The following OSBPL11 variants were observed in gnomAD, a reference collection of about 807,000 sequenced individuals.
The protein encoded by OSBPL11 is oxysterol-binding protein-related protein 11.
OSBPL11 carries 33 observed loss-of-function variants against 84.4 expected under a neutral mutation model. That is an observed-to-expected ratio of 0.39 (90% CI 0.30 to 0.52). The LOEUF is 0.52. Ranked by LOEUF, OSBPL11 falls within the 20% of genes least tolerant of loss-of-function variation. The pLI, the probability that OSBPL11 is intolerant of heterozygous loss-of-function variation, is 0.72. For missense variants in OSBPL11, 736 were observed against 901.1 expected, an observed-to-expected ratio of 0.82 and a Z score of 2.35; for synonymous variants, 276 against 310.2, an observed-to-expected ratio of 0.89 and a Z score of 1.16.
intron 1 of OSBPL11, among the ~76,000 whole-genome samples, chr3:125,592,211 T>G (rs186942011): frequency 6.6e-6 from 1 of 152,040 alleles, no homozygotes; most frequent in Non-Finnish European, 1.5e-5. Context: ...GCTAATTTTT[T>G]AATTTTTTGT....
intron 8 of OSBPL11, among the ~76,000 whole-genome samples, chr3:125,557,937 C>A (rs1021779397): frequency 6.6e-6 from 1 of 151,410 alleles, no homozygotes; most frequent in Non-Finnish European, 1.5e-5. Flanking sequence ...GGACTGCAGT[C>A]GTGCACCACC....
chr3:125,582,886 T>G, intron 2 of OSBPL11, 24 bp downstream of exon 2: 1 of 1,535,026 alleles, frequency 6.5e-7, no homozygotes, highest in Non-Finnish European at 8.9e-7. Context: ...GAGAGACTGA[T>G]GTGACACAAA....
intron 5 of OSBPL11, among the ~76,000 whole-genome samples, chr3:125,572,779 A>G (rs1234670095): frequency 6.7e-6 from 1 of 149,636 alleles, no homozygotes; most frequent in Non-Finnish European, 1.5e-5. Flanking sequence ...GTATGTCTTT[A>G]TCAGCAGTAT....
chr3:125,566,989 A>G (rs999936973), intron 6 of OSBPL11, among the ~76,000 whole-genome samples: 1 of 152,152 alleles, frequency 6.6e-6, no homozygotes, highest in Non-Finnish European at 1.5e-5. Context: ...ATAGACTTTT[A>G]TATACTTGAA....
intron 9 of OSBPL11, among the ~76,000 whole-genome samples, chr3:125,549,973 T>A (rs1411041388): frequency 6.6e-6 from 1 of 152,198 alleles, no homozygotes; most frequent in African/African-American, 2.4e-5. Flanking sequence ...AGACTTCAGT[T>A]TTTTTTCACT....
At chr3:125,536,345 C>G (rs1935639847) in intron 11 of OSBPL11, among the ~76,000 whole-genome samples, 1 of 152,204 alleles carries the variant, frequency 6.6e-6, no homozygotes, top group Non-Finnish European at 1.5e-5. Flanking sequence ...TAATGTGCAT[C>G]CTGAATGGAT....
chr3:125,578,835 T>C (rs1278803366), intron 4 of OSBPL11, 125 bp downstream of exon 4: 15 of 487,528 alleles, frequency 3.1e-5, no homozygotes, highest in Non-Finnish European at 5.0e-5. Flanking sequence ...CACAGGATTA[T>C]ACGTATATAC....
chr3:125,566,704 C>T (rs958973591), intron 6 of OSBPL11, among the ~76,000 whole-genome samples: 2 of 151,848 alleles, frequency 1.3e-5, no homozygotes, highest in African/African-American at 4.8e-5. Context: ...TTTGTAGTCC[C>T]GTGCAATAAC....
chr3:125,560,573 T>C (rs542591532), intron 7 of OSBPL11, 54 bp from the exon 8 acceptor site: 303 of 1,395,992 alleles, frequency 2.2e-4, no homozygotes, highest in Non-Finnish European at 2.8e-4. Flanking sequence ...TTCATATCCA[T>C]TGAGAACAAA....
chr3:125,572,936 CAT>C (rs200966386), intron 5 of OSBPL11, among the ~76,000 whole-genome samples: 17,850 of 144,742 alleles, frequency 0.12, 1,204 homozygotes, highest in African/African-American at 0.17. Context: ...CACACACACA[CAT>C]ACTTTAAAGC....
intron 1 of OSBPL11, among the ~76,000 whole-genome samples, chr3:125,586,374 C>T (rs1936510723): frequency 6.6e-6 from 1 of 152,158 alleles, no homozygotes; most frequent in African/African-American, 2.4e-5. Context: ...GTAGTGGAAG[C>T]TGATAGTCTA....
At chr3:125,585,328 G>C (rs372946449) in intron 1 of OSBPL11, among the ~76,000 whole-genome samples, 1 of 151,816 alleles carries the variant, frequency 6.6e-6, no homozygotes. Flanking sequence ...ATGGAGTTTC[G>C]TAAAGATGGG....
Position 125,582,927 on chromosome 3 carries a change from G to C in OSBPL11, c.216C>G (p.Val72=). 1 of 1,601,510 alleles carries C rather than the reference G, an allele frequency of 6.2e-7. No homozygotes were observed. Among genetic ancestry groups the C allele is most frequent in the Non-Finnish European group, 8.5e-7 (1 of 1,176,198 alleles). ...ACACTTACCTGTACTGCCACCCAGT[G>C]ACAAGGTTGGTATACTTCATTAAAT... ...YGYLMKYTNL[V]TGWQYRFFVL... Residue 72 remains valine (V), a synonymous_variant, in exon 2 of 13, where the codon GTC becomes GTG. Transcript: ENST00000296220.
In OSBPL11 at chr3:125,589,329, T is replaced by C. The variant is rs368364067; in HGVS notation, c.164+5308A>G. Among the ~76,000 whole-genome samples, 210 of 104,988 alleles carry C rather than the reference T, an allele frequency of 2.0e-3. 2 individuals are homozygous for C. Among genetic ancestry groups the C allele is most frequent in the African/African-American group, 7.7e-3 (186 of 24,072 alleles). The allele number at this position is 104,988 out of a possible 152,430, so 68.9% of individuals were successfully genotyped here. A position where few individuals can be genotyped will look rare whatever the true frequency, so the allele number is the denominator to read the frequency against. On this transcript the variant is annotated intron_variant, in intron 1 of 12. Coordinates refer to ENST00000296220, the MANE Select transcript of OSBPL11 (RefSeq NM_022776.5). ...TGTGCTCTAGCCTGGGCAACAAGAG[T>C]GAAACTCCATCTCAAAAAAAAAAAA...
intron 8 of OSBPL11, among the ~76,000 whole-genome samples, chr3:125,559,861 T>C (rs543179139): frequency 6.6e-6 from 1 of 151,768 alleles, no homozygotes; most frequent in African/African-American, 2.4e-5. Flanking sequence ...AGCTTGATTA[T>C]AGGCATGAGC....
rs1359301303 is a variant in OSBPL11 at position 125,547,474 on chromosome 3, A to G, written c.1773T>C (p.Cys591=). The change falls in exon 10 of 13, where the codon TGT becomes TGC. Residue 591 remains cysteine (C), a synonymous_variant. Transcript: ENST00000296220. The part of the protein sequence containing the change: ...VELGGKVSVN[C]AKTGYSASIT... The stretch of plus-strand genomic sequence containing the variant: ...TGCTGGCTGAATATCCAGTTTTTGC[A>G]CAGTTGACACTGACTTTGCCACCCA... 2 of 1,614,092 alleles carry G rather than the reference A, an allele frequency of 1.2e-6. No individual in the cohort carries two copies. The highest frequency in any genetic ancestry group is 1.7e-5 in the Admixed American group (1 of 60,008).
chr3:125,549,688 T>C (rs1935871789), intron 9 of OSBPL11, among the ~76,000 whole-genome samples: 1 of 152,126 alleles, frequency 6.6e-6, no homozygotes, highest in Non-Finnish European at 1.5e-5. Flanking sequence ...GGTCTCATTA[T>C]GTTGCCCAGT....
chr3:125,594,848 C>T lies in OSBPL11; in HGVS notation c.-48G>A. On this transcript the variant is annotated 5_prime_UTR_variant, in exon 1 of 13. Transcript: ENST00000296220. ...CCTTCTTGAGCGGGAGAGAACAATTCTGTAGTTCTGTAGGTGACTTTTTTT... is the reference window on the plus strand; with the variant it reads ...CCTTCTTGAGCGGGAGAGAACAATTTTGTAGTTCTGTAGGTGACTTTTTTT... The T allele has an allele frequency of 6.4e-7, 1 of 1,562,490 alleles. No homozygotes were observed. Among genetic ancestry groups the T allele is most frequent in the Non-Finnish European group, 8.7e-7 (1 of 1,154,160 alleles).
chr3:125,572,295 G>C (rs1315083718), intron 5 of OSBPL11, among the ~76,000 whole-genome samples: 1 of 152,164 alleles, frequency 6.6e-6, no homozygotes, highest in East Asian at 1.9e-4. Flanking sequence ...CAGGCTCATA[G>C]GCAGAAGGGA....
Sources: allele counts gnomAD v4.1 joint callset (sites outside exome capture counted in the v4.1 genomes callset), GRCh38; gene constraint gnomAD v4.1.1; transcripts MANE v1.5; gene names NCBI Gene and HGNC (gene_info 2026-07-23, HGNC 2026-07-21).